Variants in IFTAP observed in about 807,000 individuals in gnomAD.
The protein encoded by IFTAP is intraflagellar transport-associated protein.
In IFTAP, 19 loss-of-function variants were observed where a neutral mutation model predicts 19.4. The ratio of observed to expected loss-of-function variants is 0.98; its 90% CI spans 0.68 to 1.44. The LOEUF is 1.44. Ranked by LOEUF, IFTAP falls within the 40% of genes most tolerant of loss-of-function variation. The pLI is 0.00. For missense variants in IFTAP, 240 were observed against 253.6 expected (o/e 0.95, Z 0.36); for synonymous variants, 85 against 83.5 (o/e 1.02, Z -0.10).
intron 4 of IFTAP, among the ~76,000 whole-genome samples, chr11:36,647,580 C>T (rs10836583): frequency 0.34 from 51,107 of 152,008 alleles, 10,653 homozygotes; most frequent in East Asian, 0.63. Context: ...TGTTTTTTAA[C>T]ATATATTTTT....
chr11:36,640,131 C>T (rs1404340817), intron 4 of IFTAP, among the ~76,000 whole-genome samples: 1 of 152,126 alleles, frequency 6.6e-6, no homozygotes, highest in African/African-American at 2.4e-5. Context: ...GCTAGACCAG[C>T]AGACTCCTGA....
chr11:36,642,022 T>C (rs1029407999), intron 4 of IFTAP, among the ~76,000 whole-genome samples: 4 of 152,170 alleles, frequency 2.6e-5, no homozygotes, highest in African/African-American at 9.6e-5. Flanking sequence ...CCTTTACCAT[T>C]ATGTAATGGC....
At chr11:36,635,215 C>T (rs1852896215) in intron 3 of IFTAP, among the ~76,000 whole-genome samples, 1 of 152,136 alleles carries the variant, frequency 6.6e-6, no homozygotes, top group Admixed American at 6.5e-5. Context: ...TTATTATGCA[C>T]ATGTTTAGGT....
At position 36,636,101 on chromosome 11, in the gene IFTAP, ACC is replaced by A; in HGVS notation, c.345_346del (p.Gln116AsnfsTer3). 3 of 1,607,926 alleles carry A rather than the reference ACC, an allele frequency of 1.9e-6. No homozygotes were observed. The highest frequency in any genetic ancestry group is 2.6e-6 in the Non-Finnish European group (3 of 1,174,636). ...EDLDMDEEIK[P>X]QMSEDLLLLP... The stretch of plus-strand genomic sequence containing the variant: ...ATTTGGACATGGATGAAGAGATTAA[ACC>A]CCAAATGAGTGAGGGTATGCTTTCT... On this transcript the variant is annotated frameshift_variant, in exon 4 of 6. Coordinates refer to ENST00000334307, the MANE Select transcript of IFTAP (RefSeq NM_138787.4). LOFTEE classifies it high-confidence loss of function.
intron 5 of IFTAP, among the ~76,000 whole-genome samples, chr11:36,655,226 T>G (rs1471556225): frequency 6.6e-6 from 1 of 152,156 alleles, no homozygotes; most frequent in East Asian, 1.9e-4. Context: ...ATTCTGCATC[T>G]TATTTCCATG....
chr11:36,653,978 G>A lies in IFTAP; in HGVS notation c.499-5041G>A, dbSNP rs934042655. On this transcript the variant is annotated intron_variant, in intron 5 of 5. Transcript: ENST00000334307. ...TGTTCATTCCCGTCAACATGTAAAC[G>A]TGTTTAAGTCTTTCCTATCCTTAAC... Among the ~76,000 whole-genome samples the A allele has an allele frequency of 2.0e-5, 3 of 152,098 alleles. No individual in the cohort carries two copies. In the South Asian group the frequency reaches 6.2e-4, roughly 32 times the overall value.
chr11:36,633,155 A>C (rs556779357), intron 2 of IFTAP, 129 bp from the exon 3 acceptor site: 1 of 778,126 alleles, frequency 1.3e-6, no homozygotes, highest in South Asian at 3.2e-5. Context: ...TTAATGCCTC[A>C]AGGGTTCGGT....
intron 1 of IFTAP, among the ~76,000 whole-genome samples, chr11:36,599,289 C>T (rs765291590): frequency 6.6e-6 from 1 of 152,156 alleles, no homozygotes; most frequent in Non-Finnish European, 1.5e-5. Flanking sequence ...CCACCTCGCC[C>T]AGCCTATAAT....
At chr11:36,612,017 C>T (rs12417057) in intron 2 of IFTAP, among the ~76,000 whole-genome samples, 17,243 of 151,972 alleles carry the variant, frequency 0.11, 1,151 homozygotes, top group African/African-American at 0.17. Flanking sequence ...TGGAAATCAT[C>T]TGTAAGGCTG....
intron 2 of IFTAP, among the ~76,000 whole-genome samples, chr11:36,612,951 G>A (rs572661612): frequency 6.3e-4 from 96 of 152,100 alleles, no homozygotes; most frequent in Non-Finnish European, 1.2e-3. Context: ...TGTTGATTAC[G>A]TTTTGTGGTT....
At chr11:36,637,574 A>G (rs1253875494) in intron 4 of IFTAP, among the ~76,000 whole-genome samples, 1 of 152,138 alleles carries the variant, frequency 6.6e-6, no homozygotes, top group Non-Finnish European at 1.5e-5. Flanking sequence ...TTAAAAATGC[A>G]GATTTCTGGA....
At chr11:36,624,403 T>A (rs1456301817) in intron 2 of IFTAP, among the ~76,000 whole-genome samples, 1 of 152,172 alleles carries the variant, frequency 6.6e-6, no homozygotes, top group Non-Finnish European at 1.5e-5. Flanking sequence ...AACTTCTGGG[T>A]CATATCCTTA....
intron 4 of IFTAP, among the ~76,000 whole-genome samples, chr11:36,639,689 C>G (rs1277148294): frequency 1.3e-5 from 2 of 152,170 alleles, no homozygotes; most frequent in African/African-American, 4.8e-5. Context: ...CTCACTCACT[C>G]TGGAGAGAAT....
chr11:36,644,590 G>A (rs1483296095), intron 4 of IFTAP, among the ~76,000 whole-genome samples: 1 of 152,092 alleles, frequency 6.6e-6, no homozygotes, highest in East Asian at 1.9e-4. Context: ...CAAAGAGTTG[G>A]AACCAACCCA....
At chr11:36,615,098 A>G (rs1196483179) in intron 2 of IFTAP, among the ~76,000 whole-genome samples, 1 of 104,298 alleles carries the variant, frequency 9.6e-6, no homozygotes, top group Non-Finnish European at 1.9e-5. Context: ...ATTTTTGTAT[A>G]AGGTGTAAGG....
chr11:36,622,388 G>A (rs1191623383), intron 2 of IFTAP, among the ~76,000 whole-genome samples: 1 of 152,102 alleles, frequency 6.6e-6, no homozygotes, highest in Non-Finnish European at 1.5e-5. Flanking sequence ...TAGGCAATAG[G>A]ACATGATCTT....
intron 1 of IFTAP, among the ~76,000 whole-genome samples, chr11:36,602,054 G>A (rs955867512): frequency 3.3e-5 from 5 of 152,154 alleles, no homozygotes; most frequent in Admixed American, 6.5e-5. Flanking sequence ...AGGCAAAATT[G>A]CAAATAAAGT....
intron 4 of IFTAP, among the ~76,000 whole-genome samples, chr11:36,645,032 A>G (rs1853423158): frequency 6.6e-6 from 1 of 151,960 alleles, no homozygotes; most frequent in Non-Finnish European, 1.5e-5. Context: ...AGTGATCTGG[A>G]CGGCTAAAGT....
At chr11:36,636,529 T>C (rs531057664) in intron 4 of IFTAP, among the ~76,000 whole-genome samples, 1 of 152,294 alleles carries the variant, frequency 6.6e-6, no homozygotes, top group South Asian at 2.1e-4. Flanking sequence ...AATAAGGCTG[T>C]CTTGCCTGGT....
Sources: allele counts gnomAD v4.1 joint callset (sites outside exome capture counted in the v4.1 genomes callset), GRCh38; gene constraint gnomAD v4.1.1; transcripts MANE v1.5; gene names NCBI Gene and HGNC (gene_info 2026-07-23, HGNC 2026-07-21).